SRPK2: variants seen among roughly 807,000 people sequenced by gnomAD.
The protein encoded by SRPK2 is SRSF protein kinase 2.
In SRPK2, 21 loss-of-function variants were observed where a neutral mutation model predicts 90.8. That is an observed-to-expected ratio of 0.23 (90% CI 0.16 to 0.33). The LOEUF is 0.33. SRPK2 is among the 10% of genes least tolerant of loss of function. The probability of loss-of-function intolerance (pLI) is 1.00; values close to 1 mark genes in which losing one functional copy is unlikely to be tolerated. For missense variants in SRPK2, 620 were observed against 869.0 expected (o/e 0.71, Z 3.60); for synonymous variants, 288 against 311.1 (o/e 0.93, Z 0.78).
intron 2 of SRPK2, among the ~76,000 whole-genome samples, chr7:105,249,667 G>C (rs370099466): frequency 2.6e-5 from 4 of 152,300 alleles, no homozygotes; most frequent in Admixed American, 1.3e-4. Context: ...AAGGGTGTAA[G>C]ATGACCCAGA....
intron 2 of SRPK2, among the ~76,000 whole-genome samples, chr7:105,332,633 G>A (rs1585748871): frequency 1.3e-5 from 2 of 151,194 alleles, no homozygotes; most frequent in African/African-American, 4.9e-5. Context: ...GTGTGGTGGT[G>A]GGTACCTGTT....
intron 2 of SRPK2, among the ~76,000 whole-genome samples, chr7:105,271,307 T>C (rs540391046): frequency 6.6e-6 from 1 of 152,346 alleles, no homozygotes; most frequent in East Asian, 1.9e-4. Context: ...GTTCAAGCTA[T>C]AAACCATATT....
intron 2 of SRPK2, among the ~76,000 whole-genome samples, chr7:105,366,921 C>T (rs545235919): frequency 3.3e-5 from 5 of 152,262 alleles, no homozygotes; most frequent in African/African-American, 4.8e-5. Context: ...TTTCTTGTAA[C>T]ATCATGACAT....
intron 9 of SRPK2, among the ~76,000 whole-genome samples, chr7:105,144,345 A>T (rs1220626477): frequency 6.6e-6 from 1 of 150,398 alleles, no homozygotes; most frequent in Non-Finnish European, 1.5e-5. Context: ...GGCTCAAGTG[A>T]TTCTACTGCC....
At chr7:105,208,434 G>T (rs544292392) in intron 2 of SRPK2, among the ~76,000 whole-genome samples, 29 of 152,222 alleles carry the variant, frequency 1.9e-4, no homozygotes, top group Admixed American at 1.9e-3. Context: ...TCATTACAAG[G>T]GAATGTTATT....
chr7:105,132,769 C>CA, intron 13 of SRPK2, 22 bp downstream of exon 13: 1 of 1,583,354 alleles, frequency 6.3e-7, no homozygotes, highest in Non-Finnish European at 8.6e-7. Flanking sequence ...CCCATGGCAG[C>CA]AAAGGGCACA....
intron 2 of SRPK2, among the ~76,000 whole-genome samples, chr7:105,207,812 T>A (rs1796391873): frequency 6.6e-6 from 1 of 152,184 alleles, no homozygotes; most frequent in Non-Finnish European, 1.5e-5. Flanking sequence ...GACTTCAAAA[T>A]TTTTAACTTT....
intron 2 of SRPK2, among the ~76,000 whole-genome samples, chr7:105,267,962 A>T (rs1232388667): frequency 1.3e-5 from 2 of 152,176 alleles, no homozygotes; most frequent in Non-Finnish European, 2.9e-5. Flanking sequence ...GTAAGCATCA[A>T]CTGTATGCCC....
At chr7:105,246,934 T>C (rs1801745949) in intron 2 of SRPK2, among the ~76,000 whole-genome samples, 1 of 152,164 alleles carries the variant, frequency 6.6e-6, no homozygotes, top group South Asian at 2.1e-4. Flanking sequence ...GCTCAAATTC[T>C]TCCAAGAGCC....
downstream of SRPK2, among the ~76,000 whole-genome samples, chr7:105,115,737 T>C (rs1175700126): frequency 2.6e-5 from 4 of 152,158 alleles, no homozygotes; most frequent in African/African-American, 9.7e-5. Flanking sequence ...CCTGTAAAAA[T>C]TCATAATCTA....
chr7:105,146,435 C>T (rs1000328833), intron 8 of SRPK2, 58 bp downstream of exon 8: 7 of 1,568,522 alleles, frequency 4.5e-6, no homozygotes, highest in Non-Finnish European at 6.1e-6. Context: ...TCAACAACTG[C>T]AACTTTGCAA....
intron 3 of SRPK2, among the ~76,000 whole-genome samples, chr7:105,174,009 C>G (rs151223845): frequency 2.7e-5 from 4 of 146,300 alleles, no homozygotes; most frequent in African/African-American, 1.0e-4. Context: ...CTTTGGAAGG[C>G]TGAGGCAGGT....
upstream of SRPK2, among the ~76,000 whole-genome samples, chr7:105,389,563 A>G (rs965396353): frequency 1.3e-5 from 2 of 152,238 alleles, no homozygotes; most frequent in Admixed American, 1.3e-4. Context: ...AAGGTTTTGC[A>G]CATGAATTGA....
intron 2 of SRPK2, among the ~76,000 whole-genome samples, chr7:105,361,594 C>G (rs1818431104): frequency 6.6e-6 from 1 of 152,242 alleles, no homozygotes; most frequent in East Asian, 1.9e-4. Context: ...GCTACAGTAA[C>G]AAAAACAGCA....
chr7:105,177,559 A>G (rs1287772596), intron 3 of SRPK2, among the ~76,000 whole-genome samples: 1 of 152,200 alleles, frequency 6.6e-6, no homozygotes, highest in Non-Finnish European at 1.5e-5. Flanking sequence ...AAACAGTACA[A>G]ATGATGTGTC....
In SRPK2 at chr7:105,288,256, T is replaced by A. The variant is rs149603177; in HGVS notation, c.72-84471A>T. On this transcript the variant is annotated intron_variant, in intron 2 of 15. Coordinates refer to ENST00000393651, the MANE Select transcript of SRPK2 (RefSeq NM_182692.3). ...AGTAGGATCTTACAACATAACAAAATTGCTAAAATAAATCACTGAACTTAA... is the reference window on the plus strand; with the variant it reads ...AGTAGGATCTTACAACATAACAAAAATGCTAAAATAAATCACTGAACTTAA... 2.3e-3 allele frequency among the ~76,000 whole-genome samples: 348 copies of A among 152,194 alleles called. 3 individuals are homozygous for A. Among genetic ancestry groups the A allele is most frequent in the African/African-American group, 8.1e-3 (335 of 41,504 alleles).
At chr7:105,219,455 TC>T (rs1311321655) in intron 2 of SRPK2, among the ~76,000 whole-genome samples, 1 of 152,122 alleles carries the variant, frequency 6.6e-6, no homozygotes, top group Non-Finnish European at 1.5e-5. Context: ...TTTTCACCCT[TC>T]CCTTTAAAAC....
At chr7:105,279,849 C>A (rs1223621706) in intron 2 of SRPK2, among the ~76,000 whole-genome samples, 1 of 152,152 alleles carries the variant, frequency 6.6e-6, no homozygotes, top group African/African-American at 2.4e-5. Context: ...AGAAGTAACA[C>A]AAGTTCTTAG....
At chr7:105,313,443 T>A (rs1188608227) in intron 2 of SRPK2, among the ~76,000 whole-genome samples, 1 of 113,618 alleles carries the variant, frequency 8.8e-6, no homozygotes, top group East Asian at 2.5e-4. Flanking sequence ...TGAGACTCCA[T>A]CTCAAAAAAA....
Sources: gnomAD v4.1 joint callset for allele counts (sites outside exome capture counted in the v4.1 genomes callset) on GRCh38, gnomAD v4.1.1 for gene constraint, MANE v1.5 for transcripts, NCBI Gene and HGNC (gene_info 2026-07-23, HGNC 2026-07-21) for gene names.